PLSCR2: variants seen among roughly 807,000 people sequenced by gnomAD.
PLSCR2 encodes PL scramblase 2.
In PLSCR2, 18 loss-of-function variants were observed where a neutral mutation model predicts 25.3. That is an observed-to-expected ratio of 0.71 (90% CI 0.49 to 1.06). PLSCR2 has a LOEUF of 1.06. Ranked by LOEUF, PLSCR2 falls within the 50% of genes least tolerant of loss-of-function variation. The pLI is 0.00. For synonymous variants in PLSCR2, 88 were observed against 87.3 expected (o/e 1.01, Z -0.04); for missense variants, 243 against 269.5 (o/e 0.90, Z 0.69).
At chr3:146,415,148 C>T (rs1020623298) in intron 2 of PLSCR2, 12 of 152,706 alleles carry the variant, frequency 7.9e-5, no homozygotes, top group African/African-American at 2.6e-4. Flanking sequence ...AAAATGTTGA[C>T]ACACTGTTAA....
chr3:146,424,433 A>C (rs908564172), intron 2 of PLSCR2, among the ~76,000 whole-genome samples: 1 of 152,126 alleles, frequency 6.6e-6, no homozygotes, highest in Non-Finnish European at 1.5e-5. Flanking sequence ...ACCAACATTT[A>C]GTCCATCACA....
chr3:146,395,004 T>C (rs532908700), intron 3 of PLSCR2, among the ~76,000 whole-genome samples: 13 of 152,324 alleles, frequency 8.5e-5, no homozygotes, highest in African/African-American at 2.9e-4. Flanking sequence ...TAATTGTAAG[T>C]TTCCTGAAGC....
chr3:146,442,274 A>G (rs2040289478), intron 6 of PLSCR2, among the ~76,000 whole-genome samples: 1 of 152,068 alleles, frequency 6.6e-6, no homozygotes, highest in Non-Finnish European at 1.5e-5. Flanking sequence ...AAAAAGGCAA[A>G]CATTCTGTAT....
intron 2 of PLSCR2, among the ~76,000 whole-genome samples, chr3:146,417,202 C>T (rs1226180506): frequency 1.3e-5 from 2 of 152,140 alleles, no homozygotes; most frequent in African/African-American, 2.4e-5. Context: ...AATCCATCTA[C>T]AAACCCTGTT....
At chr3:146,404,655 T>C (rs1047824899) in intron 2 of PLSCR2, among the ~76,000 whole-genome samples, 1 of 152,288 alleles carries the variant, frequency 6.6e-6, no homozygotes, top group Non-Finnish European at 1.5e-5. Context: ...TAGAGTCTCA[T>C]CTGAATCAGA....
chr3:146,467,770 G>C (rs910552525), intron 1 of PLSCR2, among the ~76,000 whole-genome samples: 49 of 152,094 alleles, frequency 3.2e-4, no homozygotes, highest in African/African-American at 1.1e-3. Flanking sequence ...TCAGAGCGGA[G>C]AGTTGAAAAA....
At chr3:146,472,708 GGT>G (rs2042159719) in intron 1 of PLSCR2, among the ~76,000 whole-genome samples, 1 of 152,104 alleles carries the variant, frequency 6.6e-6, no homozygotes, top group Admixed American at 6.5e-5. Flanking sequence ...ATGTCACATT[GGT>G]GATTAGGCTT....
intron 5 of PLSCR2, among the ~76,000 whole-genome samples, chr3:146,451,429 C>T (rs2040891420): frequency 6.6e-6 from 1 of 152,084 alleles, no homozygotes; most frequent in African/African-American, 2.4e-5. Flanking sequence ...GTTTTTATCC[C>T]TGCTTCCTGA....
intron 6 of PLSCR2, among the ~76,000 whole-genome samples, chr3:146,447,031 G>A (rs1378370864): frequency 1.3e-5 from 2 of 152,148 alleles, no homozygotes; most frequent in Non-Finnish European, 2.9e-5. Context: ...CAAGGCCCAA[G>A]TGCTCTTCGG....
At chr3:146,398,274 A>C (rs988250380) in intron 2 of PLSCR2, among the ~76,000 whole-genome samples, 30 of 151,870 alleles carry the variant, frequency 2.0e-4, no homozygotes, top group African/African-American at 5.3e-4. Context: ...AAATTTTTAA[A>C]AATTATTTTG....
intron 2 of PLSCR2, among the ~76,000 whole-genome samples, chr3:146,397,674 G>A (rs1282245241): frequency 1.3e-5 from 2 of 152,008 alleles, no homozygotes; most frequent in Admixed American, 6.6e-5. Context: ...ATATTACAAC[G>A]AGTAGGATTT....
chr3:146,478,725 A>G (rs2043021972), intron 1 of PLSCR2, among the ~76,000 whole-genome samples: 1 of 152,216 alleles, frequency 6.6e-6, no homozygotes, highest in South Asian at 2.1e-4. Flanking sequence ...CAATGTTCAA[A>G]TTCAGGAAAC....
At chr3:146,437,255 T>G (rs1353734364), downstream of PLSCR2, among the ~76,000 whole-genome samples, 1 of 152,190 alleles carries the variant, frequency 6.6e-6, no homozygotes, top group African/African-American at 2.4e-5. Flanking sequence ...GTTGTGTCTC[T>G]GCCAGGCTTT....
upstream of PLSCR2, among the ~76,000 whole-genome samples, chr3:146,464,873 T>C (rs1310233458): frequency 1.3e-5 from 2 of 152,236 alleles, no homozygotes; most frequent in Non-Finnish European, 2.9e-5. Context: ...TTTCCAGTTC[T>C]GACTTCATAA....
rs2108512959 is a variant in PLSCR2, at chr3:146,476,528, A to C, written c.-292-16244T>G. On this transcript the variant is annotated intron_variant, in intron 1 of 8. Coordinates refer to the PLSCR2 transcript ENST00000336685. ...GCTCCCAGGGGGAGGGGAAGCCTTC[A>C]TCACTGCAGCTGCCTGCTGCCTAAG... Among the ~76,000 whole-genome samples the C allele has an allele frequency of 2.0e-5, 3 of 152,342 alleles. No individual in the cohort carries two copies. The Middle Eastern group carries it at 0.01, about 518-fold the overall frequency.
At chr3:146,462,015 A>G (rs2041607102), upstream of PLSCR2, 4 of 730,342 alleles carry the variant, frequency 5.5e-6, no homozygotes, top group Non-Finnish European at 6.4e-6. Flanking sequence ...TAGGGAGGAA[A>G]TTAAACACTT....
chr3:146,459,545 T>A (rs1308334834), intron 2 of PLSCR2, among the ~76,000 whole-genome samples: 2 of 152,218 alleles, frequency 1.3e-5, no homozygotes, highest in African/African-American at 2.4e-5. Flanking sequence ...AGGTAATACA[T>A]GTATTATGCT....
chr3:146,486,663 T>C (rs1339689499), intron 1 of PLSCR2, among the ~76,000 whole-genome samples: 1 of 151,888 alleles, frequency 6.6e-6, no homozygotes, highest in African/African-American at 2.4e-5. Flanking sequence ...ATTTCTACTA[T>C]AGGGGCAGTA....
At chr3:146,400,149 A>C (rs1460392698) in intron 2 of PLSCR2, among the ~76,000 whole-genome samples, 2 of 151,804 alleles carry the variant, frequency 1.3e-5, no homozygotes, top group Non-Finnish European at 3.0e-5. Context: ...ACATTCATAA[A>C]TTTATACATA....
Sources: allele counts gnomAD v4.1 joint callset (sites outside exome capture counted in the v4.1 genomes callset), GRCh38; gene constraint gnomAD v4.1.1; transcripts MANE v1.5; gene names NCBI Gene and HGNC (gene_info 2026-07-23, HGNC 2026-07-21).